Variants in ZNF521 observed in about 807,000 individuals in gnomAD.
ZNF521 encodes the protein LYST-interacting protein 3.
Under a neutral mutation model 105.5 loss-of-function variants are expected in ZNF521, and 14 were observed. The ratio of observed to expected loss-of-function variants is 0.13; its 90% CI spans 0.09 to 0.21. The LOEUF (loss-of-function observed/expected upper bound fraction) is 0.21, where lower values mean the gene tolerates loss of function less well. ZNF521 is among the 10% of genes least tolerant of loss of function. The pLI, the probability that ZNF521 is intolerant of heterozygous loss-of-function variation, is 1.00. For missense variants in ZNF521, 1,233 were observed against 1,629.7 expected (o/e 0.76, Z 4.19); for synonymous variants, 635 against 606.0 (o/e 1.05, Z -0.70).
intron 2 of ZNF521, among the ~76,000 whole-genome samples, chr18:25,345,655 AC>A (rs2145221799): frequency 6.6e-6 from 1 of 152,310 alleles, no homozygotes; most frequent in Non-Finnish European, 1.5e-5. Context: ...CAGTTCTGGA[AC>A]TTTGACTAGC....
At chr18:25,193,650 A>C (rs2035855195) in intron 5 of ZNF521, among the ~76,000 whole-genome samples, 1 of 152,028 alleles carries the variant, frequency 6.6e-6, no homozygotes, top group Admixed American at 6.6e-5. Flanking sequence ...AGTTTATATA[A>C]GGTATTTTTT....
chr18:25,159,738 G>GA (rs1198929095), intron 5 of ZNF521, among the ~76,000 whole-genome samples: 1 of 152,132 alleles, frequency 6.6e-6, no homozygotes, highest in African/African-American at 2.4e-5. Context: ...GCCAAATTTA[G>GA]AAATGTCACA....
intron 5 of ZNF521, among the ~76,000 whole-genome samples, chr18:25,100,545 C>T (rs1302248776): frequency 6.6e-6 from 1 of 152,074 alleles, no homozygotes; most frequent in Non-Finnish European, 1.5e-5. Context: ...CTCAATCCTG[C>T]TCCTTTCACT....
chr18:25,092,537 TC>T (rs1180020478), intron 5 of ZNF521, among the ~76,000 whole-genome samples: 1 of 152,236 alleles, frequency 6.6e-6, no homozygotes, highest in Non-Finnish European at 1.5e-5. Flanking sequence ...ATACAGACTA[TC>T]TTTTTCTATT....
At position 25,312,813 on chromosome 18, in the gene ZNF521, G is replaced by A. The variant is rs1432111648; in HGVS notation, c.220+9195C>T. Among the ~76,000 whole-genome samples the A allele has an allele frequency of 3.8e-4, 10 of 26,376 alleles. 2 individuals carry two copies. The highest frequency in any genetic ancestry group is 1.6e-3 in the African/African-American group (9 of 5,676). The allele number at this position is 26,376 out of a possible 152,430, so 17.3% of individuals were successfully genotyped here. ...GACCTGGGCGACAGAGCGAGACTCCGTCTCAAAAAAAAAAAAAAAAAAAAA... is the reference window on the plus strand; with the variant it reads ...GACCTGGGCGACAGAGCGAGACTCCATCTCAAAAAAAAAAAAAAAAAAAAA... On this transcript the variant is annotated intron_variant, in intron 3 of 7. Transcript: ENST00000361524.
chr18:25,309,191 A>C (rs1183254851), intron 3 of ZNF521, among the ~76,000 whole-genome samples: 1 of 152,208 alleles, frequency 6.6e-6, no homozygotes, highest in Non-Finnish European at 1.5e-5. Context: ...GTGTTCATCT[A>C]ATCTGCTTCA....
At chr18:25,097,871 T>C (rs1600017254) in intron 5 of ZNF521, among the ~76,000 whole-genome samples, 1 of 152,154 alleles carries the variant, frequency 6.6e-6, no homozygotes. Context: ...CCACTGATAT[T>C]GCCACTGTTA....
intron 3 of ZNF521, among the ~76,000 whole-genome samples, chr18:25,293,907 AAAGAT>A (rs1441066528): frequency 6.6e-6 from 1 of 152,202 alleles, no homozygotes; most frequent in African/African-American, 2.4e-5. Context: ...CTAGCAAATT[AAAGAT>A]AATTTTTTTC....
At chr18:25,071,140 T>C (rs1442270264) in intron 7 of ZNF521, among the ~76,000 whole-genome samples, 1 of 152,152 alleles carries the variant, frequency 6.6e-6, no homozygotes, top group East Asian at 1.9e-4. Context: ...TAAGATGGTA[T>C]TTTCCCCATT....
intron 5 of ZNF521, among the ~76,000 whole-genome samples, chr18:25,099,871 T>C (rs557582633): frequency 1.3e-5 from 2 of 152,312 alleles, no homozygotes; most frequent in Admixed American, 6.5e-5. Context: ...CGAAAGAGGA[T>C]AGTTCATGCA....
chr18:25,195,611 G>T (rs1031678106), intron 4 of ZNF521, among the ~76,000 whole-genome samples: 2 of 151,540 alleles, frequency 1.3e-5, no homozygotes, highest in East Asian at 3.9e-4. Flanking sequence ...CAGTGTCTTT[G>T]AAGATCAGGC....
intron 4 of ZNF521, among the ~76,000 whole-genome samples, chr18:25,217,171 C>T (rs1352074508): frequency 6.6e-6 from 1 of 152,138 alleles, no homozygotes; most frequent in Non-Finnish European, 1.5e-5. Flanking sequence ...AGTGACTTCA[C>T]TTAATTTACA....
chr18:25,173,207 G>C (rs1454145430), intron 5 of ZNF521, among the ~76,000 whole-genome samples: 1 of 152,122 alleles, frequency 6.6e-6, no homozygotes, highest in Non-Finnish European at 1.5e-5. Flanking sequence ...CCAGGCCCAG[G>C]GCTAGTGGGC....
intron 3 of ZNF521, among the ~76,000 whole-genome samples, chr18:25,289,518 C>T (rs2051171591): frequency 6.6e-6 from 1 of 152,168 alleles, no homozygotes; most frequent in African/African-American, 2.4e-5. Flanking sequence ...CAATGAAGAG[C>T]TCGGGAAGCG....
At position 25,184,058 on chromosome 18, in the gene ZNF521, T is replaced by C. The variant is rs568873495; in HGVS notation, c.3658+11102A>G. Among the ~76,000 whole-genome samples, 3 of 152,278 alleles carry C rather than the reference T, an allele frequency of 2.0e-5. No homozygotes were observed. The East Asian group carries it at 5.8e-4, about 29-fold the overall frequency. ...TTATAGACAGCTGATACAGCACACATATTCATTGAATCTGGAAATAATATC... is the reference window on the plus strand; with the variant it reads ...TTATAGACAGCTGATACAGCACACACATTCATTGAATCTGGAAATAATATC... On this transcript the variant is annotated intron_variant, in intron 5 of 7. Transcript: ENST00000361524.
At chr18:25,104,083 T>C (rs1041873987) in intron 5 of ZNF521, among the ~76,000 whole-genome samples, 2 of 152,272 alleles carry the variant, frequency 1.3e-5, no homozygotes, top group Admixed American at 1.3e-4. Context: ...ATTCCTTATA[T>C]TACCTTCTTT....
chr18:25,124,273 G>A (rs367795806), intron 5 of ZNF521, among the ~76,000 whole-genome samples: 11 of 152,110 alleles, frequency 7.2e-5, no homozygotes, highest in African/African-American at 2.7e-4. Flanking sequence ...GGATGAGGAG[G>A]AGGTGGGGAA....
At chr18:25,159,995 A>G (rs774826514) in intron 5 of ZNF521, among the ~76,000 whole-genome samples, 20 of 152,224 alleles carry the variant, frequency 1.3e-4, no homozygotes, top group Non-Finnish European at 2.6e-4. Flanking sequence ...GTTTGTAATC[A>G]TATCAGAAAA....
chr18:25,086,316 A>T (rs1378439544), intron 7 of ZNF521, among the ~76,000 whole-genome samples: 2 of 152,160 alleles, frequency 1.3e-5, no homozygotes, highest in Non-Finnish European at 2.9e-5. Flanking sequence ...AAAATAAATC[A>T]ATATTTTAAA....
Sources: allele counts gnomAD v4.1 joint callset (sites outside exome capture counted in the v4.1 genomes callset), GRCh38; gene constraint gnomAD v4.1.1; transcripts MANE v1.5; gene names NCBI Gene and HGNC (gene_info 2026-07-23, HGNC 2026-07-21).